PTPRQ: variants seen among roughly 807,000 people sequenced by gnomAD.
The protein encoded by PTPRQ is protein tyrosine phosphatase receptor type Q.
In PTPRQ, 199 loss-of-function variants were observed where a neutral mutation model predicts 246.0. The observed-to-expected ratio is 0.81, with a 90% CI of 0.72 to 0.91. The LOEUF is 0.91. Among genes scored for constraint, PTPRQ ranks in the 40% least tolerant of loss-of-function variants. The probability of loss-of-function intolerance (pLI) is 0.00; values close to 1 mark genes in which losing one functional copy is unlikely to be tolerated. For synonymous variants in PTPRQ, 869 were observed against 853.2 expected (o/e 1.02, Z -0.32); for missense variants, 2,624 against 2,528.4 (o/e 1.04, Z -0.81).
intron 26 of PTPRQ, among the ~76,000 whole-genome samples, chr12:80,590,955 G>A (rs1290680314): frequency 6.6e-6 from 1 of 151,820 alleles, no homozygotes; most frequent in Non-Finnish European, 1.5e-5. Context: ...TTCTTATAAC[G>A]TAGATCTTTA....
chr12:80,542,441 A>T, intron 22 of PTPRQ, 77 bp downstream of exon 22: 1 of 1,476,882 alleles, frequency 6.8e-7, no homozygotes, highest in African/African-American at 1.4e-5. Flanking sequence ...AACAGCATGG[A>T]ATATGAAAGG....
At position 80,632,372 on chromosome 12, in the gene PTPRQ, CA is replaced by C. The variant is rs909247614; in HGVS notation, c.5786+83del. 19 of 1,505,152 alleles carry C rather than the reference CA, an allele frequency of 1.3e-5. No individual in the cohort carries two copies. In the African/African-American group the frequency reaches 2.1e-4, roughly 17 times the overall value. 93.2% of individuals were successfully genotyped at this position (1,505,152 alleles called of 1,614,324 possible). A position where few individuals can be genotyped will look rare whatever the true frequency, so the allele number is the denominator to read the frequency against. On this transcript the variant is annotated intron_variant, in intron 34 of 44. Coordinates refer to ENST00000644991, the MANE Select transcript of PTPRQ (RefSeq NM_001145026.2). ...TAGTCCAATCAGGAGACAGAAGCCA[CA>C]ACAGTTACTTGAATGGGAAACATTT...
In PTPRQ at chr12:80,625,270, G is replaced by T. The variant is rs570400764; in HGVS notation, c.5686+3136G>T. On this transcript the variant is annotated intron_variant, in intron 33 of 44. Transcript: ENST00000644991. ...ATGTGTTGGGATATATGAATCATTT[G>T]CAGCAGGCTAGGGACTCAAACATTC... is the stretch of plus-strand genomic sequence containing the variant. Among the ~76,000 whole-genome samples the T allele has an allele frequency of 5.3e-5, 8 of 152,214 alleles. No homozygotes were observed. In the East Asian group the frequency reaches 1.6e-3, roughly 30 times the overall value.
chr12:80,619,185 A>C (rs1359029394), intron 30 of PTPRQ, among the ~76,000 whole-genome samples, 199 bp from the exon 31 acceptor site: 1 of 151,618 alleles, frequency 6.6e-6, no homozygotes, highest in Non-Finnish European at 1.5e-5. Context: ...ATCTCAGGGA[A>C]GTCTCAAATG....
intron 25 of PTPRQ, among the ~76,000 whole-genome samples, chr12:80,567,965 CT>C (rs1487807617): frequency 6.6e-6 from 1 of 152,072 alleles, no homozygotes; most frequent in Non-Finnish European, 1.5e-5. Context: ...TTTATTGTAA[CT>C]TTAATTCACA....
At chr12:80,596,714 G>A (rs1326552371) in intron 26 of PTPRQ, among the ~76,000 whole-genome samples, 1 of 151,898 alleles carries the variant, frequency 6.6e-6, no homozygotes, top group African/African-American at 2.4e-5. Flanking sequence ...TAGGCCCTAG[G>A]TCAGCAAAAT....
Position 80,678,727 on chromosome 12 carries a change from T to C in PTPRQ, c.6862+2T>C. ...TGGACTCTTTGGACGCCATGGAAGG[T>C]AAACAGAAACAACAGTATATGCCCA... On this transcript the variant is annotated splice_donor_variant, in intron 44 of 44. Transcript: ENST00000644991. LOFTEE classifies it high-confidence loss of function. 1 of 1,547,946 alleles carries C rather than the reference T, an allele frequency of 6.5e-7. No homozygotes were observed. The highest frequency in any genetic ancestry group is 2.0e-5 in the Admixed American group (1 of 50,648).
intron 14 of PTPRQ, among the ~76,000 whole-genome samples, chr12:80,498,691 A>G (rs1165871299): frequency 6.6e-6 from 1 of 152,106 alleles, no homozygotes; most frequent in Non-Finnish European, 1.5e-5. Context: ...ATATTTTGTC[A>G]TTAGGCTTCT....
chr12:80,453,399 T>C (rs1465832052), intron 3 of PTPRQ, among the ~76,000 whole-genome samples: 3 of 152,222 alleles, frequency 2.0e-5, no homozygotes, highest in Non-Finnish European at 4.4e-5. Flanking sequence ...CTTTGTTCTG[T>C]TGCTGGTGAG....
intron 35 of PTPRQ, among the ~76,000 whole-genome samples, chr12:80,640,024 A>G (rs900863284): frequency 2.2e-5 from 3 of 134,180 alleles, no homozygotes; most frequent in Admixed American, 7.8e-5. Flanking sequence ...ATGAAGATAC[A>G]CGTGTGTGTG....
intron 39 of PTPRQ, among the ~76,000 whole-genome samples, chr12:80,661,682 T>G (rs961224943): frequency 3.3e-5 from 5 of 151,706 alleles, no homozygotes; most frequent in Non-Finnish European, 5.9e-5. Flanking sequence ...TTTTTTTCCC[T>G]AGAGCTTATA....
At chr12:80,484,291 G>T in intron 8 of PTPRQ, 142 bp from the exon 9 acceptor site, 2 of 1,056,432 alleles carry the variant, frequency 1.9e-6, no homozygotes, top group Non-Finnish European at 2.6e-6. Flanking sequence ...ACAGCCATGA[G>T]CCACCGCACC....
chr12:80,675,566 C>T (rs760058101), intron 43 of PTPRQ, among the ~76,000 whole-genome samples: 2 of 152,100 alleles, frequency 1.3e-5, no homozygotes, highest in South Asian at 2.1e-4. Flanking sequence ...ATGGAACTGA[C>T]GGTTTCCTTC....
At chr12:80,450,330 C>A (rs1371075298) in intron 3 of PTPRQ, among the ~76,000 whole-genome samples, 2 of 152,126 alleles carry the variant, frequency 1.3e-5, no homozygotes, top group Non-Finnish European at 2.9e-5. Context: ...CAAACAGGGA[C>A]AATTTGACTT....
chr12:80,584,850 A>G (rs1897559302), intron 25 of PTPRQ, among the ~76,000 whole-genome samples: 2 of 152,136 alleles, frequency 1.3e-5, no homozygotes, highest in Admixed American at 6.5e-5. Flanking sequence ...AAAAATTATG[A>G]AAATTCTAAA....
At chr12:80,622,480 G>C (rs186055967) in intron 33 of PTPRQ, among the ~76,000 whole-genome samples, 1 of 151,944 alleles carries the variant, frequency 6.6e-6, no homozygotes, top group Non-Finnish European at 1.5e-5. Flanking sequence ...CATGCTACTG[G>C]CATCTAGTGG....
At position 80,506,017 on chromosome 12, in the gene PTPRQ, C is replaced by A; in HGVS notation, c.2273-7C>A. ...GTTTTATGTATCTATATTTTTGTTT[C>A]TTTCAGTGCCTGATAGTGCACCAGA... On this transcript the variant is annotated splice_region_variant and splice_polypyrimidine_tract_variant and intron_variant, in intron 14 of 44. Coordinates refer to ENST00000644991, the MANE Select transcript of PTPRQ (RefSeq NM_001145026.2). The A allele has an allele frequency of 6.5e-7, 1 of 1,530,236 alleles. No individual in the cohort carries two copies. The highest frequency in any genetic ancestry group is 8.8e-7 in the Non-Finnish European group (1 of 1,139,874). 94.8% of individuals were successfully genotyped at this position (1,530,236 alleles called of 1,614,324 possible).
intron 8 of PTPRQ, among the ~76,000 whole-genome samples, chr12:80,481,209 G>A (rs1258756190): frequency 6.6e-6 from 1 of 152,156 alleles, no homozygotes; most frequent in Non-Finnish European, 1.5e-5. Context: ...GGGATGCAAG[G>A]CTGGTTCAAT....
intron 26 of PTPRQ, among the ~76,000 whole-genome samples, chr12:80,590,503 T>TA (rs915573359): frequency 2.0e-5 from 3 of 151,262 alleles, no homozygotes; most frequent in African/African-American, 7.3e-5. Flanking sequence ...CCGTCTCTAC[T>TA]AAAAAATACA....
Sources: allele counts gnomAD v4.1 joint callset (sites outside exome capture counted in the v4.1 genomes callset), GRCh38; gene constraint gnomAD v4.1.1; transcripts MANE v1.5; gene names NCBI Gene and HGNC (gene_info 2026-07-23, HGNC 2026-07-21).